The following PLS1 variants were observed in gnomAD, a reference collection of about 807,000 sequenced individuals.
PLS1 encodes plastin-1.
A neutral mutation model predicts 73.7 loss-of-function variants in PLS1; 32 were observed. That is an observed-to-expected ratio of 0.43 (90% confidence interval 0.33 to 0.58). The LOEUF is 0.58. Among genes scored for constraint, PLS1 ranks in the 20% least tolerant of loss-of-function variants. The pLI is 0.04. For missense variants in PLS1, 633 were observed against 740.5 expected, an observed-to-expected ratio of 0.85 and a Z score of 1.68; for synonymous variants, 217 against 261.3, an observed-to-expected ratio of 0.83 and a Z score of 1.63.
At chr3:142,669,707 C>A (rs7624063) in intron 3 of PLS1, among the ~76,000 whole-genome samples, 154 bp downstream of exon 3, 1 of 151,926 alleles carries the variant, frequency 6.6e-6, no homozygotes, top group African/African-American at 2.4e-5. Flanking sequence ...CTATTATTAT[C>A]GAAATAATTT....
intron 10 of PLS1, among the ~76,000 whole-genome samples, chr3:142,690,086 C>T (rs2038056451): frequency 1.3e-5 from 2 of 152,080 alleles, no homozygotes; most frequent in Non-Finnish European, 2.9e-5. Flanking sequence ...AGCTCTACCA[C>T]CAACATGGAC....
At chr3:142,649,724 G>A (rs542601187) in intron 1 of PLS1, among the ~76,000 whole-genome samples, 1 of 150,920 alleles carries the variant, frequency 6.6e-6, no homozygotes, top group Admixed American at 6.6e-5. Flanking sequence ...TCTAGGTCTA[G>A]AGACCCTTAG....
At chr3:142,650,210 T>TC (rs2037053290) in intron 1 of PLS1, among the ~76,000 whole-genome samples, 1 of 123,020 alleles carries the variant, frequency 8.1e-6, no homozygotes, top group South Asian at 2.6e-4. Context: ...GGCTTCTTCT[T>TC]CTTTTTTTTT....
At chr3:142,696,357 T>A (rs113120395) in intron 11 of PLS1, among the ~76,000 whole-genome samples, 51 of 152,350 alleles carry the variant, frequency 3.3e-4, no homozygotes, top group African/African-American at 1.2e-3. Flanking sequence ...GAGCATATAG[T>A]ATTTTTTCTT....
intron 6 of PLS1, among the ~76,000 whole-genome samples, chr3:142,681,656 A>G (rs1349933297): frequency 6.6e-6 from 1 of 152,170 alleles, no homozygotes; most frequent in Non-Finnish European, 1.5e-5. Context: ...TTCCGCATCA[A>G]CACGAGTCTT....
intron 1 of PLS1, among the ~76,000 whole-genome samples, chr3:142,631,591 G>A (rs1388240490): frequency 6.9e-6 from 1 of 145,786 alleles, no homozygotes; most frequent in Non-Finnish European, 1.5e-5. Flanking sequence ...AGCCTGGGAG[G>A]TCGAGGGTGC....
chr3:142,642,439 G>A (rs917674294), intron 1 of PLS1, among the ~76,000 whole-genome samples: 1 of 152,172 alleles, frequency 6.6e-6, no homozygotes, highest in African/African-American at 2.4e-5. Context: ...GAATACTTCT[G>A]TAGAATAATT....
chr3:142,686,246 T>C lies in PLS1; in HGVS notation c.889-38T>C, dbSNP rs560126917. ...TTCCCTAAATTCAATGATGATTTTA[T>C]TCGTTTTAAAAATGCTATTTCATAT... On this transcript the variant is annotated intron_variant, in intron 8 of 15. Coordinates refer to ENST00000457734, the MANE Select transcript of PLS1 (RefSeq NM_001145319.2). 1.1e-4 allele frequency: 125 copies of C among 1,184,308 alleles called. 2 individuals carry two copies. In the South Asian group the frequency reaches 1.5e-3, roughly 15 times the overall value. 73.4% of individuals were successfully genotyped at this position (1,184,308 alleles called of 1,614,324 possible). A position where few individuals can be genotyped will look rare whatever the true frequency, so the allele number is the denominator to read the frequency against.
At chr3:142,708,784 C>T (rs986159873) in intron 14 of PLS1, among the ~76,000 whole-genome samples, 7 of 152,142 alleles carry the variant, frequency 4.6e-5, no homozygotes, top group African/African-American at 1.7e-4. Context: ...ACCCCTTTCC[C>T]TTTGCAAAAG....
At position 142,684,237 on chromosome 3, in the gene PLS1, G is replaced by A. The variant is rs576883871; in HGVS notation, c.746-16G>A. 56 of 1,613,916 alleles carry A rather than the reference G, an allele frequency of 3.5e-5. No homozygotes were observed. Among genetic ancestry groups the A allele is most frequent in the Admixed American group, 1.5e-4 (9 of 59,996 alleles). On this transcript the variant is annotated splice_polypyrimidine_tract_variant and intron_variant, in intron 7 of 15. Transcript: ENST00000457734. ...TTGCTATGGGAAGAATTTACATTTCGCTGTTTTGCCCTCAGCTCTGATTGC... is the reference window on the plus strand; with the variant it reads ...TTGCTATGGGAAGAATTTACATTTCACTGTTTTGCCCTCAGCTCTGATTGC...
In PLS1 at chr3:142,640,819, T is replaced by A. The variant is rs117048868; in HGVS notation, c.-36-23383T>A. On this transcript the variant is annotated intron_variant, in intron 1 of 15. Coordinates refer to ENST00000457734, the MANE Select transcript of PLS1 (RefSeq NM_001145319.2). ...AGTAGTTTATCAAGGTTTATGCCCT[T>A]CATTTCTCAAAAATTCTTTTTAGCC... Among the ~76,000 whole-genome samples, 28 of 152,238 alleles carry A rather than the reference T, an allele frequency of 1.8e-4. No individual in the cohort carries two copies. In the East Asian group the frequency reaches 5.2e-3, roughly 28 times the overall value.
chr3:142,629,067 T>C (rs1038643443), intron 1 of PLS1, among the ~76,000 whole-genome samples: 2 of 152,206 alleles, frequency 1.3e-5, no homozygotes, highest in African/African-American at 2.4e-5. Flanking sequence ...ACTGTAGTTG[T>C]TTTGATACTA....
At chr3:142,619,957 G>A (rs544607723) in intron 1 of PLS1, among the ~76,000 whole-genome samples, 1 of 152,110 alleles carries the variant, frequency 6.6e-6, no homozygotes, top group East Asian at 1.9e-4. Flanking sequence ...TAAAAATTAT[G>A]TATATAGCTT....
chr3:142,666,346 T>C (rs2037479336), intron 2 of PLS1, among the ~76,000 whole-genome samples: 1 of 152,312 alleles, frequency 6.6e-6, no homozygotes, highest in East Asian at 1.9e-4. Flanking sequence ...CTACTTTCTA[T>C]ATGAGTGTGA....
chr3:142,615,576 A>G (rs1261727893), intron 1 of PLS1, among the ~76,000 whole-genome samples: 2 of 152,140 alleles, frequency 1.3e-5, no homozygotes, highest in East Asian at 3.8e-4. Flanking sequence ...GTGGAGGTGG[A>G]CCAGGATTGC....
At chr3:142,673,530 C>G (rs1328834277) in intron 4 of PLS1, 1 of 152,136 alleles carries the variant, frequency 6.6e-6, no homozygotes, top group Non-Finnish European at 1.5e-5. Context: ...AGTAGAATTG[C>G]TTGAATTTTT....
chr3:142,634,619 C>G (rs1295864824), intron 1 of PLS1, among the ~76,000 whole-genome samples: 1 of 151,962 alleles, frequency 6.6e-6, no homozygotes, highest in African/African-American at 2.4e-5. Flanking sequence ...AAACAGTCAA[C>G]CTAGAATTCT....
At position 142,676,210 on chromosome 3, in the gene PLS1, C is replaced by A. The variant is rs775498545; in HGVS notation, c.418C>A (p.Pro140Thr). The change falls in exon 5 of 16, where the codon CCT becomes ACT. Residue 140 changes from proline to threonine, a missense_variant. By Grantham distance (38) the Pro-to-Thr change is conservative. Transcript: ENST00000457734. The stretch of plus-strand genomic sequence containing the variant: ...GATAAACAAAGCCCTGGAGAATGAC[C>A]CTGACTGTAAGCATCTTATACCCAT... ...NWINKALEND[P>T]DCKHLIPMNP... 1.9e-6 allele frequency: 3 copies of A among 1,612,772 alleles called. No homozygotes were observed. In the Admixed American group the frequency reaches 5.0e-5, roughly 27 times the overall value.
At chr3:142,711,715 T>C in intron 15 of PLS1, 90 bp downstream of exon 15, 1 of 1,317,236 alleles carries the variant, frequency 7.6e-7, no homozygotes. Flanking sequence ...AAAATTCATA[T>C]TTTTAAATAT....
Sources: allele counts gnomAD v4.1 joint callset (sites outside exome capture counted in the v4.1 genomes callset), GRCh38; gene constraint gnomAD v4.1.1; transcripts MANE v1.5; gene names NCBI Gene and HGNC (gene_info 2026-07-23, HGNC 2026-07-21).